PTPN14: variants seen among roughly 807,000 people sequenced by gnomAD.
The protein encoded by PTPN14 is protein tyrosine phosphatase non-receptor type 14, also known as tyrosine-protein phosphatase non-receptor type 14.
PTPN14 carries 53 observed loss-of-function variants against 126.8 expected under a neutral mutation model. That is an observed-to-expected ratio of 0.42 (90% confidence interval 0.34 to 0.53). PTPN14 has a LOEUF of 0.53. Ranked by LOEUF, PTPN14 falls within the 20% of genes least tolerant of loss-of-function variation. PTPN14 has a pLI of 0.08. For synonymous variants in PTPN14, 630 were observed against 599.3 expected (o/e 1.05, Z -0.75); for missense variants, 1,257 against 1,552.9 (o/e 0.81, Z 3.20).
chr1:214,358,254 G>A (rs1657871183), intron 18 of PTPN14, among the ~76,000 whole-genome samples: 1 of 152,132 alleles, frequency 6.6e-6, no homozygotes, highest in Admixed American at 6.6e-5. Context: ...TCACTGGTGG[G>A]ATATTTTATT....
At chr1:214,435,707 A>G (rs972210061) in intron 3 of PTPN14, among the ~76,000 whole-genome samples, 3 of 152,200 alleles carry the variant, frequency 2.0e-5, no homozygotes, top group Non-Finnish European at 4.4e-5. Flanking sequence ...GGTATACACC[A>G]CCTTACATCA....
intron 3 of PTPN14, among the ~76,000 whole-genome samples, chr1:214,417,714 G>A (rs568770150): frequency 2.0e-4 from 31 of 152,276 alleles, no homozygotes; most frequent in African/African-American, 7.0e-4. Context: ...GAGTGAGCAG[G>A]TCCGTGTGGT....
At chr1:214,525,467 T>TA (rs200660267) in intron 1 of PTPN14, among the ~76,000 whole-genome samples, 1,651 of 152,322 alleles carry the variant, frequency 0.011, 27 homozygotes, top group African/African-American at 0.037. Flanking sequence ...TAACATGACT[T>TA]ATCACAGCAA....
At chr1:214,392,355 A>G (rs1320449779) in intron 10 of PTPN14, among the ~76,000 whole-genome samples, 1 of 152,218 alleles carries the variant, frequency 6.6e-6, no homozygotes, top group Non-Finnish European at 1.5e-5. Context: ...TTTTCAGACT[A>G]ATATGTGATG....
intron 1 of PTPN14, among the ~76,000 whole-genome samples, chr1:214,502,524 T>A (rs943541005): frequency 6.6e-6 from 1 of 152,254 alleles, no homozygotes; most frequent in Non-Finnish European, 1.5e-5. Context: ...TCAACTTATT[T>A]TTTATTTATT....
chr1:214,460,947 C>T (rs956200368), intron 2 of PTPN14, among the ~76,000 whole-genome samples: 1 of 151,828 alleles, frequency 6.6e-6, no homozygotes, highest in Non-Finnish European at 1.5e-5. Flanking sequence ...ATGTAAACTC[C>T]GGACTCTGCA....
intron 5 of PTPN14, among the ~76,000 whole-genome samples, chr1:214,407,095 G>A (rs879919883): frequency 4.6e-5 from 7 of 152,146 alleles, no homozygotes; most frequent in Non-Finnish European, 1.0e-4. Flanking sequence ...CAAGCATATT[G>A]ACATTAAGCC....
intron 3 of PTPN14, among the ~76,000 whole-genome samples, chr1:214,445,472 T>A (rs1660122363): frequency 6.6e-6 from 1 of 151,918 alleles, no homozygotes; most frequent in Non-Finnish European, 1.5e-5. Flanking sequence ...CTGACCTCAT[T>A]AGGACAATTA....
At chr1:214,381,247 T>A (rs983669668) in intron 13 of PTPN14, among the ~76,000 whole-genome samples, 1 of 152,208 alleles carries the variant, frequency 6.6e-6, no homozygotes, top group Non-Finnish European at 1.5e-5. Flanking sequence ...TATGGGACCA[T>A]GTGGACATCA....
intron 17 of PTPN14, among the ~76,000 whole-genome samples, chr1:214,368,161 A>G (rs1021752635): frequency 6.7e-6 from 1 of 149,320 alleles, no homozygotes; most frequent in Non-Finnish European, 1.5e-5. Context: ...TGAGATGCAA[A>G]CCTTCATGAA....
chr1:214,520,065 A>AAAAAAAAAAAAAAT lies in PTPN14; in HGVS notation c.-155+31117_-155+31118insATTTTTTTTTTTTT. ...CCTGTCTCAAAAAAAAAAAAAAAAA[A>AAAAAAAAAAAAAAT]ATATATATATATATATATGCAGAAT... On this transcript the variant is annotated intron_variant, in intron 1 of 18. Transcript: ENST00000366956. 1.2e-3 allele frequency among the ~76,000 whole-genome samples: 85 copies of AAAAAAAAAAAAAAT among 71,072 alleles called. 1 individual carries two copies. Among genetic ancestry groups the AAAAAAAAAAAAAAT allele is most frequent in the Middle Eastern group, 0.011 (1 of 90 alleles). 46.6% of individuals were successfully genotyped at this position (71,072 alleles called of 152,430 possible). A position where few individuals can be genotyped will look rare whatever the true frequency, so the allele number is the denominator to read the frequency against.
chr1:214,361,454 G>A (rs1657953865), intron 18 of PTPN14, among the ~76,000 whole-genome samples: 1 of 152,076 alleles, frequency 6.6e-6, no homozygotes, highest in Admixed American at 6.6e-5. Context: ...AGTTCTCCTG[G>A]TCTTCAATGA....
chr1:214,424,957 C>G (rs1293242117), intron 3 of PTPN14, among the ~76,000 whole-genome samples: 2 of 151,176 alleles, frequency 1.3e-5, no homozygotes, highest in Non-Finnish European at 2.9e-5. Flanking sequence ...ACATGCCTAT[C>G]CATCTCTGTT....
At chr1:214,467,103 A>G (rs560944963) in intron 1 of PTPN14, among the ~76,000 whole-genome samples, 2 of 152,322 alleles carry the variant, frequency 1.3e-5, no homozygotes, top group Non-Finnish European at 2.9e-5. Flanking sequence ...TTGGCAGAGT[A>G]TCATGTTTAC....
Position 214,384,364 on chromosome 1 carries a change from A to G in PTPN14, c.1491T>C (p.Thr497=). The part of the protein sequence containing the change: ...QPEMRERHPY[T]VPYGPQGVYS... The stretch of plus-strand genomic sequence containing the variant: ...AGACCCCCTGTGGCCCATAAGGGAC[A>G]GTGTAGGGGTGCCTCTCCCGCATCT... The change falls in exon 13 of 19, where the codon ACT becomes ACC. Residue 497 remains threonine, a synonymous_variant. Coordinates refer to ENST00000366956, the MANE Select transcript of PTPN14 (RefSeq NM_005401.5). This position sits in a 1 kb window ranked among gnomAD's most constrained non-coding sequence, Gnocchi z 5.3. 6.2e-7 allele frequency: 1 copy of G among 1,614,124 alleles called. No individual in the cohort carries two copies.
intron 11 of PTPN14, among the ~76,000 whole-genome samples, chr1:214,388,228 G>A (rs988824772): frequency 1.7e-4 from 26 of 152,204 alleles, no homozygotes; most frequent in Admixed American, 6.5e-4. Flanking sequence ...TCAGTTTCCC[G>A]TCAGTCAAAT....
At chr1:214,377,823 T>C (rs778860037) in intron 14 of PTPN14, 136 bp downstream of exon 14, 86 of 1,112,266 alleles carry the variant, frequency 7.7e-5, no homozygotes, top group Non-Finnish European at 1.0e-4. Context: ...AACACAGTTA[T>C]ACCTGATCTT....
intron 16 of PTPN14, among the ~76,000 whole-genome samples, chr1:214,370,931 G>A (rs1251745210): frequency 6.6e-6 from 1 of 152,152 alleles, no homozygotes; most frequent in African/African-American, 2.4e-5. Flanking sequence ...CATCTTTGCG[G>A]AATATGTAAA....
At chr1:214,409,650 C>A (rs1212938328) in intron 5 of PTPN14, among the ~76,000 whole-genome samples, 1 of 152,074 alleles carries the variant, frequency 6.6e-6, no homozygotes, top group African/African-American at 2.4e-5. Flanking sequence ...ACACTGTTTT[C>A]CAAAATGGCT....
Sources: gnomAD v4.1 joint callset for allele counts (sites outside exome capture counted in the v4.1 genomes callset) on GRCh38, gnomAD v4.1.1 for gene constraint, Gnocchi (gnomAD v3.1) non-coding constraint, MANE v1.5 for transcripts, NCBI Gene and HGNC (gene_info 2026-07-23, HGNC 2026-07-21) for gene names.